Variants in DIS3L observed in about 807,000 individuals in gnomAD.
The protein encoded by DIS3L is DIS3 like exosome 3'-5' exoribonuclease, also known as DIS3-like exonuclease 1.
A neutral mutation model predicts 120.3 loss-of-function variants in DIS3L; 100 were observed. The ratio of observed to expected loss-of-function variants is 0.83; its 90% CI spans 0.71 to 0.98. DIS3L has a LOEUF of 0.98. Among genes scored for constraint, DIS3L ranks in the 50% least tolerant of loss-of-function variants. The pLI is 0.00. For synonymous variants in DIS3L, 426 were observed against 470.6 expected (o/e 0.91, Z 1.23); for missense variants, 1,196 against 1,314.2 (o/e 0.91, Z 1.39).
At chr15:66,311,649 G>A in intron 4 of DIS3L, 75 bp from the exon 5 acceptor site, 2 of 1,558,680 alleles carry the variant, frequency 1.3e-6, no homozygotes, top group Admixed American at 1.7e-5. Context: ...TCCTAGTCAG[G>A]AGTTTCTGTC....
intron 9 of DIS3L, among the ~76,000 whole-genome samples, chr15:66,321,082 C>G (rs2092878429): frequency 6.6e-6 from 1 of 152,210 alleles, no homozygotes; most frequent in Non-Finnish European, 1.5e-5. Flanking sequence ...CCAAATCATT[C>G]AACCAGAGGC....
intron 15 of DIS3L, 123 bp downstream of exon 15, chr15:66,332,143 A>G: frequency 2.0e-6 from 2 of 1,013,254 alleles, no homozygotes; most frequent in South Asian, 2.0e-5. Context: ...TACATAATGT[A>G]ATGTATAATT....
intron 11 of DIS3L, 69 bp from the exon 12 acceptor site, chr15:66,325,762 A>G (rs546985946): frequency 3.3e-6 from 5 of 1,522,744 alleles, no homozygotes; most frequent in African/African-American, 1.4e-5. Context: ...TCCTGTCTCA[A>G]AAAAACAAAA....
chr15:66,318,400 A>G (rs1268749852), intron 7 of DIS3L, 49 bp from the exon 8 acceptor site: 2 of 1,585,336 alleles, frequency 1.3e-6, no homozygotes, highest in African/African-American at 1.4e-5. Context: ...GAGTCCAGAT[A>G]GATGGCACCT....
Position 66,333,079 on chromosome 15 carries a change from A to G in DIS3L, c.2932A>G (p.Lys978Glu). The G allele has an allele frequency of 1.2e-6, 2 of 1,613,364 alleles. No homozygotes were observed. The highest frequency in any genetic ancestry group is 1.7e-6 in the Non-Finnish European group (2 of 1,180,006). Residue 978 changes from lysine to glutamate, a missense_variant, in exon 17 of 17, where the codon AAG (lysine) becomes GAG (glutamate). By Grantham distance (56) the Lys-to-Glu change is moderately conservative (BLOSUM62 1). Coordinates refer to ENST00000319212, the MANE Select transcript of DIS3L (RefSeq NM_001143688.3). ...TGAAATAATTAGTAACAAACCATAC[A>G]AGATACCAAATACAGAACTTATTCA... ...RLEIISNKPY[K>E]IPNTELIHQS... is the part of the protein sequence containing the mutation.
chr15:66,303,813 C>T (rs984976260), intron 2 of DIS3L, among the ~76,000 whole-genome samples: 1 of 152,020 alleles, frequency 6.6e-6, no homozygotes, highest in Non-Finnish European at 1.5e-5. Flanking sequence ...GTGTGTAGGC[C>T]GGGCGCGGTG....
rs761483014 is a variant in DIS3L, at chr15:66,306,993, C to G, written c.422+41C>G. The G allele has an allele frequency of 2.5e-6, 4 of 1,606,824 alleles. No individual in the cohort carries two copies. The Admixed American group carries it at 6.7e-5, about 27-fold the overall frequency. On this transcript the variant is annotated intron_variant, in intron 3 of 16. Coordinates refer to ENST00000319212, the MANE Select transcript of DIS3L (RefSeq NM_001143688.3). The stretch of plus-strand genomic sequence containing the variant: ...GCTGCTGTTTTCACACTGTCGTCTT[C>G]TTTCATTTCCTCATCATTGGCTGTT...
intron 7 of DIS3L, among the ~76,000 whole-genome samples, chr15:66,317,573 A>G (rs1033401084): frequency 8.5e-5 from 13 of 152,298 alleles, no homozygotes; most frequent in Non-Finnish European, 1.2e-4. Context: ...ACTTTTCCCA[A>G]TATACCAAAA....
rs755903291 is a variant in DIS3L at position 66,331,920 on chromosome 15, A to G, written c.2581A>G (p.Met861Val). 10 of 1,613,198 alleles carry G rather than the reference A, an allele frequency of 6.2e-6. No homozygotes were observed. In the East Asian group the frequency reaches 1.1e-4, roughly 18 times the overall value. Residue 861 changes from methionine to valine, a missense_variant, in exon 15 of 17, where the codon ATG becomes GTG. Transcript: ENST00000319212. ...QKQSTELFQC[M>V]YFKDKDPATE... is the part of the protein sequence containing the mutation. ...GCAGTCTACTGAGCTCTTCCAGTGC[A>G]TGTACTTCAAAGACAAAGACCCTGC...
intron 11 of DIS3L, among the ~76,000 whole-genome samples, chr15:66,325,518 T>C (rs951672027): frequency 6.6e-6 from 1 of 152,224 alleles, no homozygotes; most frequent in Non-Finnish European, 1.5e-5. Context: ...TTTTTTGATT[T>C]AGTTGTAAGG....
intron 8 of DIS3L, among the ~76,000 whole-genome samples, chr15:66,319,200 A>C (rs981107239): frequency 6.6e-6 from 1 of 152,204 alleles, no homozygotes; most frequent in African/African-American, 2.4e-5. Context: ...GGCTCCCCAA[A>C]GTGCTGGAAT....
In DIS3L at chr15:66,325,857, T is replaced by C. The variant is rs758546505; in HGVS notation, c.1694T>C (p.Leu565Pro). The change falls in exon 12 of 17, where the codon CTG becomes CCG. Residue 565 changes from leucine (L) to proline (P), a missense_variant. Coordinates refer to ENST00000319212, the MANE Select transcript of DIS3L (RefSeq NM_001143688.3). Reference protein sequence around the residue: ...DRYAVSIMWELDKASYEIKKV... With the variant: ...DRYAVSIMWEPDKASYEIKKV... ...TATGCTGTAAGCATCATGTGGGAAC[T>C]GGATAAAGCCTCTTATGAAATTAAG... 1.4e-5 allele frequency: 22 copies of C among 1,607,286 alleles called. No homozygotes were observed. The highest frequency in any genetic ancestry group is 8.5e-6 in the Non-Finnish European group (10 of 1,174,462).
rs2092886423 is a variant in DIS3L at position 66,321,736 on chromosome 15, AGCCTGGGTGACAGAGC to A, written c.1327-949_1327-934del. ...AGCCGAGATCGCACCGCTGCACTCC[AGCCTGGGTGACAGAGC>A]GAGACTGTCTCAAAAAAAAAAAAAA... On this transcript the variant is annotated intron_variant, in intron 9 of 16. Transcript: ENST00000319212. Among the ~76,000 whole-genome samples, 8 of 150,888 alleles carry A rather than the reference AGCCTGGGTGACAGAGC, an allele frequency of 5.3e-5. No individual in the cohort carries two copies. The South Asian group carries it at 1.7e-3, about 32-fold the overall frequency.
intron 12 of DIS3L, among the ~76,000 whole-genome samples, chr15:66,326,977 T>G (rs1182101206): frequency 6.6e-6 from 1 of 151,886 alleles, no homozygotes; most frequent in African/African-American, 2.4e-5. Context: ...TCATCCAGGC[T>G]GGAGTGCAGT....
rs751694620 is a variant in DIS3L at position 66,331,884 on chromosome 15, C to A, written c.2545C>A (p.His849Asn). 1.9e-5 allele frequency: 30 copies of A among 1,599,608 alleles called. No homozygotes were observed. Among genetic ancestry groups the A allele is most frequent in the Non-Finnish European group, 2.5e-5 (29 of 1,173,234 alleles). Reference sequence around the variant, plus strand: ...GTTGTGCTTCTTACAGGCAGCACAGCATTCTCAGAAGCAGTCTACTGAGCT... The same window carrying A: ...GTTGTGCTTCTTACAGGCAGCACAGAATTCTCAGAAGCAGTCTACTGAGCT... ...HINNRNQAAQ[H>N]SQKQSTELFQ... is the part of the protein sequence containing the mutation. Residue 849 changes from histidine (H) to asparagine (N), a missense_variant, in exon 15 of 17, where the codon CAT (histidine) becomes AAT (asparagine). His to Asn is a moderately conservative substitution (Grantham distance 68). Transcript: ENST00000319212.
chr15:66,299,842 C>A (rs1226745609), intron 2 of DIS3L, among the ~76,000 whole-genome samples: 2 of 152,110 alleles, frequency 1.3e-5, no homozygotes, highest in Non-Finnish European at 2.9e-5. Context: ...GATTGCCTGA[C>A]CTCAGGAGTT....
Position 66,329,331 on chromosome 15 carries a change from A to G in DIS3L, c.2467A>G (p.Ile823Val), listed in dbSNP as rs1269138937. 4 of 1,614,018 alleles carry G rather than the reference A, an allele frequency of 2.5e-6. No individual in the cohort carries two copies. Among genetic ancestry groups the G allele is most frequent in the Non-Finnish European group, 3.4e-6 (4 of 1,180,032 alleles). Residue 823 changes from isoleucine to valine, a missense_variant, in exon 14 of 17, where the codon ATT becomes GTT. By Grantham distance (29) the Ile-to-Val change is conservative (BLOSUM62 3). Transcript: ENST00000319212. Reference protein sequence around the residue: ...AAISKDKKMEIKGNLFSNKDL... With the variant: ...AAISKDKKMEVKGNLFSNKDL... Reference sequence around the variant, plus strand: ...CATTTCAAAAGATAAGAAAATGGAAATTAAGGGAAATCTGTTCAGCAACAA... The same window carrying G: ...CATTTCAAAAGATAAGAAAATGGAAGTTAAGGGAAATCTGTTCAGCAACAA...
Position 66,295,096 on chromosome 15 carries a change from T to G in DIS3L, c.248T>G (p.Phe83Cys). ...TTTCCTGAGTTGAAGGGAATTATTT[T>G]CATGCAGACAGCTTGTCAAGCTGTG... The part of the protein sequence containing the change: ...LEFPELKGII[F>C]MQTACQAVQH... The change falls in exon 2 of 17, where the codon TTC becomes TGC. Residue 83 changes from phenylalanine to cysteine, a missense_variant. Physicochemically the swap from Phe to Cys is radical, Grantham distance 205. Transcript: ENST00000319212. 6.2e-7 allele frequency: 1 copy of G among 1,614,158 alleles called. No individual in the cohort carries two copies. The highest frequency in any genetic ancestry group is 2.2e-5 in the East Asian group (1 of 44,882).
At chr15:66,296,867 G>A (rs576715012) in intron 2 of DIS3L, among the ~76,000 whole-genome samples, 1 of 152,254 alleles carries the variant, frequency 6.6e-6, no homozygotes, top group South Asian at 2.1e-4. Context: ...TTGTCTTGCT[G>A]GGGTTAGATA....
Sources: allele counts gnomAD v4.1 joint callset (sites outside exome capture counted in the v4.1 genomes callset), GRCh38; gene constraint gnomAD v4.1.1; transcripts MANE v1.5; gene names NCBI Gene and HGNC (gene_info 2026-07-23, HGNC 2026-07-21).